SCAF1: variants seen among roughly 807,000 people sequenced by gnomAD.
SCAF1 encodes the protein splicing factor, arginine/serine-rich 19.
SCAF1 carries 28 observed loss-of-function variants against 91.2 expected under a neutral mutation model. The observed-to-expected ratio is 0.31, with a 90% CI of 0.23 to 0.42. The LOEUF (loss-of-function observed/expected upper bound fraction) is 0.42, where lower values mean the gene tolerates loss of function less well. Ranked by LOEUF, SCAF1 falls within the 10% of genes least tolerant of loss-of-function variation. The pLI, the probability that SCAF1 is intolerant of heterozygous loss-of-function variation, is 1.00. For missense variants in SCAF1, 1,893 were observed against 1,872.1 expected (o/e 1.01, Z -0.21); for synonymous variants, 1,036 against 833.7 (o/e 1.24, Z -4.18).
At chr19:49,643,371 C>T (rs1173214236) in intron 1 of SCAF1, among the ~76,000 whole-genome samples, 1 of 152,196 alleles carries the variant, frequency 6.6e-6, no homozygotes, top group African/African-American at 2.4e-5. Context: ...AACATTAACT[C>T]ACCTTCCACG....
chr19:49,647,141 C>T (rs2081060510), intron 6 of SCAF1, among the ~76,000 whole-genome samples: 1 of 152,228 alleles, frequency 6.6e-6, no homozygotes, highest in Admixed American at 6.5e-5. Context: ...GAGAAGCAGA[C>T]AGCCTGAAAA....
rs752338997 is a variant in SCAF1, at chr19:49,651,442, G to T, written c.1053G>T (p.Arg351=). 3 of 1,594,584 alleles carry T rather than the reference G, an allele frequency of 1.9e-6. No homozygotes were observed. The highest frequency in any genetic ancestry group is 3.5e-5 in the Admixed American group (2 of 57,856). Residue 351 remains arginine (R), a synonymous_variant, in exon 7 of 11, where the codon CGG becomes CGT. Coordinates refer to ENST00000360565, the MANE Select transcript of SCAF1 (RefSeq NM_021228.3). ...GGGCTGATGGAGCCATGCGCCGGCG[G>T]GTCTTCGTGGTGGGGACCGAGGCAG... The part of the protein sequence containing the change: ...STRADGAMRR[R]VFVVGTEAEA...
chr19:49,641,867 T>A (rs1324007888), upstream of SCAF1, among the ~76,000 whole-genome samples: 1 of 152,248 alleles, frequency 6.6e-6, no homozygotes, highest in Non-Finnish European at 1.5e-5. Flanking sequence ...CTGTTCTGCC[T>A]GGCGCCTCTT....
intron 1 of SCAF1, among the ~76,000 whole-genome samples, chr19:49,644,304 G>A (rs377172638): frequency 1.3e-5 from 2 of 152,186 alleles, no homozygotes; most frequent in African/African-American, 4.8e-5. Context: ...CCTGACTGGG[G>A]AATCATATCA....
At position 49,646,607 on chromosome 19, in the gene SCAF1, C is replaced by G. The variant is rs1182839946; in HGVS notation, c.343C>G (p.Leu115Val). 2 of 1,614,030 alleles carry G rather than the reference C, an allele frequency of 1.2e-6. No individual in the cohort carries two copies. Among genetic ancestry groups the G allele is most frequent in the African/African-American group, 2.7e-5 (2 of 74,916 alleles). ...DPPDTWVPSR[L>V]DLRPGESEDM... The stretch of plus-strand genomic sequence containing the variant: ...CCCGGATACCTGGGTTCCCAGCCGC[C>G]TGGACCTGCGGCCTGGCGAGTGAGT... The change falls in exon 5 of 11, where the codon CTG becomes GTG. Residue 115 changes from leucine (L) to valine (V), a missense_variant. Transcript: ENST00000360565. This position sits in a 1 kb window ranked among gnomAD's most constrained non-coding sequence, Gnocchi z 5.6.
upstream of SCAF1, chr19:49,642,040 A>G (rs1568439132): frequency 6.6e-6 from 1 of 152,188 alleles, no homozygotes; most frequent in Non-Finnish European, 1.5e-5. This position sits in a 1 kb window ranked among gnomAD's most constrained non-coding sequence, Gnocchi z 4.0. Flanking sequence ...CATCGCGCGG[A>G]CCCCGCCCCA....
Position 49,654,832 on chromosome 19 carries a change from G to A in SCAF1, c.3580G>A (p.Gly1194Ser). Residue 1194 changes from glycine (G) to serine (S), a missense_variant, in exon 9 of 11, where the codon GGC (glycine) becomes AGC (serine). Gly to Ser is a moderately conservative substitution (Grantham distance 56). Transcript: ENST00000360565. ...GGCTGCCACGTCTGACAAGAGAGAG[G>A]GCAGCAGCAGCTCTGAGGGCCGTGG... ...GLAATSDKREGSSSSEGRGDT... is the reference protein window; with the variant it reads ...GLAATSDKRESSSSSEGRGDT... 6.2e-7 allele frequency: 1 copy of A among 1,610,310 alleles called. No individual in the cohort carries two copies. Among genetic ancestry groups the A allele is most frequent in the African/African-American group, 1.3e-5 (1 of 74,958 alleles).
chr19:49,652,420 C>T lies in SCAF1; in HGVS notation c.2031C>T (p.Asp677=). The change falls in exon 7 of 11, where the codon GAC becomes GAT. Residue 677 remains aspartate, a synonymous_variant. Transcript: ENST00000360565. The stretch of plus-strand genomic sequence containing the variant: ...CCTCTGGCTCCACCTCGTGTGGTGA[C>T]CGCGACAGCCGCCGCCGGGGGGCCG... ...PPPSGSTSCG[D]RDSRRRGAVP... 6.3e-7 allele frequency: 1 copy of T among 1,595,956 alleles called. No individual in the cohort carries two copies. The highest frequency in any genetic ancestry group is 8.5e-7 in the Non-Finnish European group (1 of 1,175,572).
upstream of SCAF1, chr19:49,642,083 G>T (rs1599817737): frequency 6.6e-6 from 1 of 152,256 alleles, no homozygotes; most frequent in African/African-American, 2.4e-5. The surrounding 1 kb of genome is among the most constrained non-coding windows in gnomAD (Gnocchi z 4.0). Flanking sequence ...AACCGAGTGC[G>T]GTTGCCTTCC....
Position 49,652,007 on chromosome 19 carries a change from C to G in SCAF1, c.1618C>G (p.Gln540Glu). ...GGCCGCCTCGTCCTCGTCGGGCACC[C>G]AGCCAGCGCCGCCCGCCCCGGCCTC... ...KEAASSSSGT[Q>E]PAPPAPASPW... Residue 540 changes from glutamine (Q) to glutamate (E), a missense_variant, in exon 7 of 11, where the codon CAG becomes GAG. By Grantham distance (29) the Gln-to-Glu change is conservative. Transcript: ENST00000360565. 1 of 1,199,904 alleles carries G rather than the reference C, an allele frequency of 8.3e-7. No homozygotes were observed. Among genetic ancestry groups the G allele is most frequent in the Non-Finnish European group, 1.0e-6 (1 of 958,454 alleles). The allele number at this position is 1,199,904 out of a possible 1,614,324, so 74.3% of individuals were successfully genotyped here.
rs60497102 is a variant in SCAF1, at chr19:49,644,609, G to A, written c.-6-412G>A. ...GGAAAGGTGGGTTTATAGGACTGTG[G>A]AACACACCCTTTGAAATCACAGTGC... On this transcript the variant is annotated intron_variant, in intron 1 of 10. Coordinates refer to ENST00000360565, the MANE Select transcript of SCAF1 (RefSeq NM_021228.3). Among the ~76,000 whole-genome samples, 1,041 of 152,256 alleles carry A rather than the reference G, an allele frequency of 6.8e-3. 10 individuals carry two copies. The highest frequency in any genetic ancestry group is 0.024 in the African/African-American group (986 of 41,540).
chr19:49,652,762 A>G lies in SCAF1; in HGVS notation c.2373A>G (p.Ser791=). 6.2e-7 allele frequency: 1 copy of G among 1,612,098 alleles called. No homozygotes were observed. The highest frequency in any genetic ancestry group is 8.5e-7 in the Non-Finnish European group (1 of 1,179,348). ...DRDRDRDRDR[S]SKKARPPKES... ...ACAGAGATAGGGACAGGGACAGGTC[A>G]TCCAAGAAGGCCCGGCCCCCCAAGG... Residue 791 remains serine, a synonymous_variant, in exon 7 of 11, where the codon TCA becomes TCG. Transcript: ENST00000360565.
rs757959646 is a variant in SCAF1 at position 49,646,967 on chromosome 19, G to C, written c.478+137G>C. 2 of 665,442 alleles carry C rather than the reference G, an allele frequency of 3.0e-6. No individual in the cohort carries two copies. Among genetic ancestry groups the C allele is most frequent in the Non-Finnish European group, 5.1e-6 (2 of 394,340 alleles). 41.2% of individuals were successfully genotyped at this position (665,442 alleles called of 1,614,324 possible). ...TTCTCTTCGTATTAGACGTGATTAA[G>C]GCTGTAGGCGCATACAGATGTACAT... is the stretch of plus-strand genomic sequence containing the variant. On this transcript the variant is annotated intron_variant, in intron 6 of 10. Coordinates refer to ENST00000360565, the MANE Select transcript of SCAF1 (RefSeq NM_021228.3). This position sits in a 1 kb window ranked among gnomAD's most constrained non-coding sequence, Gnocchi z 5.6.
chr19:49,653,983 GAA>G (rs376364254), intron 7 of SCAF1, among the ~76,000 whole-genome samples: 36 of 152,302 alleles, frequency 2.4e-4, no homozygotes, highest in African/African-American at 6.3e-4. Flanking sequence ...GGACCAGAAA[GAA>G]TGGCTTGAGC....
At chr19:49,653,856 G>T (rs755046482) in intron 7 of SCAF1, 151 bp downstream of exon 7, 3 of 718,920 alleles carry the variant, frequency 4.2e-6, no homozygotes, top group Middle Eastern at 4.0e-4. Context: ...GGCCAGCCAG[G>T]CTCTAGGTGC....
At chr19:49,653,805 G>A in intron 7 of SCAF1, 100 bp downstream of exon 7, 1 of 1,180,364 alleles carries the variant, frequency 8.5e-7, no homozygotes, top group Non-Finnish European at 1.1e-6. Context: ...GGCAGGGAGA[G>A]GTTTATAGGG....
Position 49,652,123 on chromosome 19 carries a change from CCG to C in SCAF1, c.1736_1737del (p.Arg579LeufsTer73). Reference protein sequence around the residue: ...SARRRSRSRSRSRSTRRRSRS... With the variant: ...SARRRSRSRSXSRSTRRRSRS... ...CCCGCCGCCGCTCCCGCTCCCGCTC[CCG>C]CTCCCGCTCCACCCGCCGCCGCTCG... On this transcript the variant is annotated frameshift_variant, in exon 7 of 11. Transcript: ENST00000360565. LOFTEE classifies it high-confidence loss of function. 8.9e-7 allele frequency: 1 copy of C among 1,126,718 alleles called. No individual in the cohort carries two copies. The highest frequency in any genetic ancestry group is 1.1e-6 in the Non-Finnish European group (1 of 913,832). 69.8% of individuals were successfully genotyped at this position (1,126,718 alleles called of 1,614,324 possible). A position where few individuals can be genotyped will look rare whatever the true frequency, so the allele number is the denominator to read the frequency against.
At chr19:49,650,106 A>G (rs2081076885) in intron 6 of SCAF1, among the ~76,000 whole-genome samples, 1 of 152,236 alleles carries the variant, frequency 6.6e-6, no homozygotes, top group African/African-American at 2.4e-5. Flanking sequence ...ACGAAGCACC[A>G]TGCCTGGTTT....
chr19:49,654,215 G>C, intron 7 of SCAF1, 134 bp from the exon 8 acceptor site: 1 of 726,818 alleles, frequency 1.4e-6, no homozygotes, highest in Non-Finnish European at 2.3e-6. Context: ...CCTTTTCCCA[G>C]TTCTGAGCGT....
Sources: gnomAD v4.1 joint callset for allele counts (sites outside exome capture counted in the v4.1 genomes callset) on GRCh38, gnomAD v4.1.1 for gene constraint, Gnocchi (gnomAD v3.1) non-coding constraint, MANE v1.5 for transcripts, NCBI Gene and HGNC (gene_info 2026-07-23, HGNC 2026-07-21) for gene names.